The following SORCS2 variants were observed in gnomAD, a reference collection of about 807,000 sequenced individuals.
SORCS2 encodes the protein sortilin related VPS10 domain containing receptor 2, also known as VPS10 domain-containing receptor SorCS2.
A neutral mutation model predicts 141.6 loss-of-function variants in SORCS2; 100 were observed. That is an observed-to-expected ratio of 0.71 (90% confidence interval 0.60 to 0.83). SORCS2 has a LOEUF of 0.83. SORCS2 is among the 40% of genes least tolerant of loss of function. The probability of loss-of-function intolerance (pLI) is 0.00; values close to 1 mark genes in which losing one functional copy is unlikely to be tolerated. For synonymous variants in SORCS2, 789 were observed against 676.9 expected, an observed-to-expected ratio of 1.17 and a Z score of -2.57; for missense variants, 1,646 against 1,560.2, an observed-to-expected ratio of 1.05 and a Z score of -0.93.
chr4:7,669,462 G>A (rs1272049309), intron 8 of SORCS2, among the ~76,000 whole-genome samples: 1 of 152,154 alleles, frequency 6.6e-6, no homozygotes, highest in Non-Finnish European at 1.5e-5. Context: ...CCTTTGCCCA[G>A]CCAGCCAGCT....
chr4:7,235,201 C>T (rs552763710), intron 1 of SORCS2, among the ~76,000 whole-genome samples: 5 of 152,324 alleles, frequency 3.3e-5, no homozygotes, highest in Admixed American at 6.5e-5. Flanking sequence ...AGCACTGTGC[C>T]GGCTTGCATG....
chr4:7,417,628 A>C (rs1725783513), intron 2 of SORCS2, among the ~76,000 whole-genome samples: 1 of 152,154 alleles, frequency 6.6e-6, no homozygotes, highest in South Asian at 2.1e-4. Context: ...TGAGGTCCTC[A>C]GTGACTGTGG....
At chr4:7,602,610 G>A (rs1717792894) in intron 3 of SORCS2, among the ~76,000 whole-genome samples, 1 of 151,306 alleles carries the variant, frequency 6.6e-6, no homozygotes, top group South Asian at 2.1e-4. Context: ...TGACTGCCGG[G>A]AAGAGGCGCT....
intron 3 of SORCS2, among the ~76,000 whole-genome samples, chr4:7,621,273 G>T (rs1181641253): frequency 1.3e-5 from 2 of 152,162 alleles, no homozygotes; most frequent in Non-Finnish European, 2.9e-5. Context: ...CTCCCTCCCG[G>T]CATCTCACAC....
At chr4:7,320,140 A>C (rs3916116) in intron 1 of SORCS2, among the ~76,000 whole-genome samples, 53,625 of 151,772 alleles carry the variant, frequency 0.35, 9,812 homozygotes, top group African/African-American at 0.44. Context: ...TTGTCTCTAC[A>C]AAAAAAATGA....
intron 2 of SORCS2, among the ~76,000 whole-genome samples, chr4:7,483,515 G>A (rs2109378390): frequency 6.6e-6 from 1 of 152,128 alleles, no homozygotes; most frequent in East Asian, 1.9e-4. Context: ...CCTCGATTTG[G>A]GACTTCCATC....
At chr4:7,441,578 G>C (rs1441692977) in intron 2 of SORCS2, among the ~76,000 whole-genome samples, 1 of 151,902 alleles carries the variant, frequency 6.6e-6, no homozygotes, top group African/African-American at 2.4e-5. Flanking sequence ...AGCCAAGGAA[G>C]GGTAGAGCCT....
In SORCS2 at chr4:7,626,324, T is replaced by C. The variant is rs186426431; in HGVS notation, c.649-12004T>C. ...AAAGTACATTATTTATTGGATTTTT[T>C]CCTAATTACAAATGTAACACTTTCA... On this transcript the variant is annotated intron_variant, in intron 3 of 26. Coordinates refer to ENST00000507866, the MANE Select transcript of SORCS2 (RefSeq NM_020777.3). Among the ~76,000 whole-genome samples the C allele has an allele frequency of 2.0e-5, 3 of 152,334 alleles. No homozygotes were observed. The East Asian group carries it at 5.8e-4, about 29-fold the overall frequency.
intron 2 of SORCS2, among the ~76,000 whole-genome samples, chr4:7,507,976 T>C (rs1350677107): frequency 7.4e-6 from 1 of 135,974 alleles, no homozygotes; most frequent in East Asian, 2.4e-4. Flanking sequence ...AGATGTAAAA[T>C]GTAATTGTTT....
chr4:7,569,655 C>T (rs1204553152), intron 3 of SORCS2, among the ~76,000 whole-genome samples: 1 of 152,196 alleles, frequency 6.6e-6, no homozygotes, highest in Non-Finnish European at 1.5e-5. Flanking sequence ...CGTGACTTCG[C>T]CATGGGTTTA....
At chr4:7,524,769 C>T (rs948955889) in intron 2 of SORCS2, among the ~76,000 whole-genome samples, 7 of 152,026 alleles carry the variant, frequency 4.6e-5, no homozygotes, top group Non-Finnish European at 8.8e-5. Flanking sequence ...CTGCTGGAGT[C>T]GGGTGGTCCC....
intron 2 of SORCS2, among the ~76,000 whole-genome samples, chr4:7,402,182 C>T (rs1724636316): frequency 6.6e-6 from 1 of 152,192 alleles, no homozygotes; most frequent in Non-Finnish European, 1.5e-5. Context: ...TCAATGTCAA[C>T]TTTTTCCATA....
intron 4 of SORCS2, among the ~76,000 whole-genome samples, chr4:7,643,316 G>A (rs1307413036): frequency 1.3e-5 from 2 of 152,166 alleles, no homozygotes; most frequent in Admixed American, 6.5e-5. Context: ...CAGCTTCCTG[G>A]GGGCTGCTGA....
At chr4:7,212,237 C>T (rs577715378) in intron 1 of SORCS2, among the ~76,000 whole-genome samples, 2 of 152,336 alleles carry the variant, frequency 1.3e-5, no homozygotes, top group South Asian at 4.1e-4. Context: ...CGGCACAGGT[C>T]AGCATGTGGT....
At chr4:7,655,810 G>A (rs1310882242) in intron 5 of SORCS2, among the ~76,000 whole-genome samples, 4 of 152,222 alleles carry the variant, frequency 2.6e-5, no homozygotes, top group Non-Finnish European at 4.4e-5. Flanking sequence ...TCGCTCTGGG[G>A]GATTGGTAGA....
chr4:7,264,859 C>T (rs925099077), intron 1 of SORCS2, among the ~76,000 whole-genome samples: 9 of 152,212 alleles, frequency 5.9e-5, no homozygotes, highest in South Asian at 2.1e-4. Flanking sequence ...CAGAGGCCCC[C>T]GGCGATGTCC....
At chr4:7,460,872 A>C (rs894465278) in intron 2 of SORCS2, among the ~76,000 whole-genome samples, 1 of 152,130 alleles carries the variant, frequency 6.6e-6, no homozygotes, top group Admixed American at 6.5e-5. Context: ...TGGGCCGTGC[A>C]TCGGCTACAC....
At chr4:7,722,210 T>G (rs1036436773) in intron 18 of SORCS2, among the ~76,000 whole-genome samples, 6 of 152,152 alleles carry the variant, frequency 3.9e-5, no homozygotes, top group Non-Finnish European at 7.3e-5. Context: ...CACACATGCC[T>G]TCTCCTTCCC....
chr4:7,689,951 A>G (rs1312468728), intron 11 of SORCS2, among the ~76,000 whole-genome samples: 1 of 152,150 alleles, frequency 6.6e-6, no homozygotes, highest in African/African-American at 2.4e-5. Flanking sequence ...GGATGGACAG[A>G]TCAATGGATG....
Sources: gnomAD v4.1 joint callset for allele counts (sites outside exome capture counted in the v4.1 genomes callset) on GRCh38, gnomAD v4.1.1 for gene constraint, MANE v1.5 for transcripts, NCBI Gene and HGNC (gene_info 2026-07-23, HGNC 2026-07-21) for gene names.